Variants in CLEC2D observed in about 807,000 individuals in gnomAD.
The protein encoded by CLEC2D is C-type lectin domain family 2 member D.
A neutral mutation model predicts 20.0 loss-of-function variants in CLEC2D; 16 were observed. The ratio of observed to expected loss-of-function variants is 0.80; its 90% confidence interval spans 0.54 to 1.22. The LOEUF is 1.22. Among genes scored for constraint, CLEC2D ranks in the 50% most tolerant of loss-of-function variants. The pLI is 0.00. For synonymous variants in CLEC2D, 77 were observed against 71.1 expected, an observed-to-expected ratio of 1.08 and a Z score of -0.42; for missense variants, 207 against 221.5, an observed-to-expected ratio of 0.93 and a Z score of 0.42.
In CLEC2D at chr12:9,699,031, T is replaced by C. The variant is rs1476871639; in HGVS notation, c.*4157T>C. The C allele has an allele frequency of 6.6e-6, 1 of 152,228 alleles. No individual in the cohort carries two copies. Among genetic ancestry groups the C allele is most frequent in the African/African-American group, 2.4e-5 (1 of 41,454 alleles). 9.4% of individuals were successfully genotyped at this position (152,228 alleles called of 1,614,324 possible). A position where few individuals can be genotyped will look rare whatever the true frequency, so the allele number is the denominator to read the frequency against. ...GTCTCTTAACCCACCTGGATAGATT[T>C]TTCTCACAAACCATTGTCTTCTCTG... On this transcript the variant is annotated 3_prime_UTR_variant, in exon 5 of 5. Coordinates refer to ENST00000290855, the MANE Select transcript of CLEC2D (RefSeq NM_013269.6).
At chr12:9,676,811 G>A (rs1271509509) in intron 1 of CLEC2D, among the ~76,000 whole-genome samples, 1 of 152,120 alleles carries the variant, frequency 6.6e-6, no homozygotes. Flanking sequence ...GGTGCTTTCT[G>A]TTTTGGAAGG....
rs1243352103 is a variant in CLEC2D at position 9,688,037 on chromosome 12, G to A, written c.308G>A (p.Cys103Tyr). 7 of 1,612,800 alleles carry A rather than the reference G, an allele frequency of 4.3e-6. No homozygotes were observed. Among genetic ancestry groups the A allele is most frequent in the Non-Finnish European group, 5.1e-6 (6 of 1,179,388 alleles). ...TKNWTSSQRF[C>Y]DSQDADLAQV... ...AACTGGACATCAAGTCAGAGGTTTT[G>A]TGACTCACAAGATGCTGATCTTGCT... The change falls in exon 3 of 5, where the codon TGT becomes TAT. Residue 103 changes from cysteine (C) to tyrosine (Y), a missense_variant. Coordinates refer to ENST00000290855, the MANE Select transcript of CLEC2D (RefSeq NM_013269.6).
At chr12:9,690,685 G>A (rs1865843503) in intron 3 of CLEC2D, among the ~76,000 whole-genome samples, 1 of 151,886 alleles carries the variant, frequency 6.6e-6, no homozygotes, top group Non-Finnish European at 1.5e-5. Flanking sequence ...TTGATATTAT[G>A]AAATTATATT....
chr12:9,683,671 A>T lies in CLEC2D; in HGVS notation c.172+2638A>T, dbSNP rs1022447881. On this transcript the variant is annotated intron_variant, in intron 2 of 4. Transcript: ENST00000290855. Reference sequence around the variant, plus strand: ...CTTGTTTTTGTCAGGTTTGTCAAAGATCAGATGGTTGTAGATGTTGGGTGT... The same window carrying T: ...CTTGTTTTTGTCAGGTTTGTCAAAGTTCAGATGGTTGTAGATGTTGGGTGT... Among the ~76,000 whole-genome samples the T allele has an allele frequency of 3.8e-4, 58 of 152,258 alleles. No individual in the cohort carries two copies. The South Asian group carries it at 6.4e-3, about 17-fold the overall frequency.
rs1345234374 is a variant in CLEC2D at position 9,696,983 on chromosome 12, A to T, written c.*2109A>T. ...AACTGAAGTGACCATTAACAGATGA[A>T]TGGATAAAGAAATTGTCATATATAT... On this transcript the variant is annotated 3_prime_UTR_variant, in exon 5 of 5. Transcript: ENST00000290855. The T allele has an allele frequency of 6.6e-6, 1 of 152,092 alleles. No individual in the cohort carries two copies. The highest frequency in any genetic ancestry group is 2.4e-5 in the African/African-American group (1 of 41,416). 9.4% of individuals were successfully genotyped at this position (152,092 alleles called of 1,614,324 possible).
At chr12:9,679,203 G>T (rs768299442) in intron 1 of CLEC2D, among the ~76,000 whole-genome samples, 15 of 152,136 alleles carry the variant, frequency 9.9e-5, no homozygotes, top group African/African-American at 3.6e-4. Flanking sequence ...TGAACAAACT[G>T]CCATTTGTTA....
intron 1 of CLEC2D, among the ~76,000 whole-genome samples, chr12:9,671,377 C>A (rs11052305): frequency 3.3e-5 from 5 of 152,108 alleles, no homozygotes; most frequent in Non-Finnish European, 7.4e-5. Flanking sequence ...CCCGCCACCA[C>A]GCCCGGCTAC....
chr12:9,692,685 C>A (rs1217146990), intron 3 of CLEC2D, 143 bp from the exon 4 acceptor site: 4 of 573,002 alleles, frequency 7.0e-6, no homozygotes, highest in East Asian at 2.8e-5. Flanking sequence ...ATATAGCACA[C>A]CTATTCTGTA....
At position 9,692,902 on chromosome 12, in the gene CLEC2D, A is replaced by G. The variant is rs1418876140; in HGVS notation, c.432A>G (p.Lys144=). ...GCAGAGAACAAGGCCAACCATGGAA[A>G]TGGATAAATGGTACTGAATGGACAA... The part of the protein sequence containing the change: ...GLSREQGQPW[K]WINGTEWTRQ... The change falls in exon 4 of 5, where the codon AAA becomes AAG. Residue 144 remains lysine (K), a synonymous_variant. Transcript: ENST00000290855. 1 of 1,613,608 alleles carries G rather than the reference A, an allele frequency of 6.2e-7. No homozygotes were observed. Among genetic ancestry groups the G allele is most frequent in the African/African-American group, 1.3e-5 (1 of 74,936 alleles).
In CLEC2D at chr12:9,695,870, AT is replaced by A. The variant is rs1565473076; in HGVS notation, c.*997del. ...GCTGCTGCTGCTGATGATGATGATG[AT>A]GAAGATGATGATGATGATGATGACG... is the stretch of plus-strand genomic sequence containing the variant. On this transcript the variant is annotated 3_prime_UTR_variant, in exon 5 of 5. Transcript: ENST00000290855. 8.6e-5 allele frequency: 92 copies of A among 1,067,494 alleles called. No homozygotes were observed. The African/African-American group carries it at 1.3e-3, about 15-fold the overall frequency. The allele number at this position is 1,067,494 out of a possible 1,614,324, so 66.1% of individuals were successfully genotyped here. A position where few individuals can be genotyped will look rare whatever the true frequency, so the allele number is the denominator to read the frequency against.
intron 2 of CLEC2D, among the ~76,000 whole-genome samples, chr12:9,683,592 G>A (rs1865690461): frequency 6.6e-6 from 1 of 152,006 alleles, no homozygotes. Context: ...TCTGCATATG[G>A]CTAGCCAGTT....
chr12:9,697,371 G>A lies in CLEC2D; in HGVS notation c.*2497G>A, dbSNP rs746923313. 2 of 152,168 alleles carry A rather than the reference G, an allele frequency of 1.3e-5. No individual in the cohort carries two copies. Among genetic ancestry groups the A allele is most frequent in the Admixed American group, 6.5e-5 (1 of 15,268 alleles). 9.4% of individuals were successfully genotyped at this position (152,168 alleles called of 1,614,324 possible). ...CTAGCCCAATCTATTCCTTTAATTC[G>A]GCCCATCCCTTCATTTCCCATAAGG... On this transcript the variant is annotated 3_prime_UTR_variant, in exon 5 of 5. Transcript: ENST00000290855.
intron 3 of CLEC2D, 199 bp downstream of exon 3, chr12:9,688,285 TG>T: frequency 9.2e-7 from 1 of 1,081,448 alleles, no homozygotes; most frequent in Non-Finnish European, 1.2e-6. Context: ...TTAATATTCG[TG>T]GCAGGAACAG....
In CLEC2D at chr12:9,697,639, A is replaced by G. The variant is rs1056367178; in HGVS notation, c.*2765A>G. 2.0e-5 allele frequency: 3 copies of G among 152,164 alleles called. No homozygotes were observed. Among genetic ancestry groups the G allele is most frequent in the Non-Finnish European group, 2.9e-5 (2 of 68,024 alleles). 9.4% of individuals were successfully genotyped at this position (152,164 alleles called of 1,614,324 possible). A position where few individuals can be genotyped will look rare whatever the true frequency, so the allele number is the denominator to read the frequency against. On this transcript the variant is annotated 3_prime_UTR_variant, in exon 5 of 5. Transcript: ENST00000290855. ...TATTTGAAACAATGTAAATAAACCT[A>G]TAGGGTTTATTATATATACTAAGTG...
rs56394007 is a variant in CLEC2D at position 9,696,548 on chromosome 12, T to TA, written c.*1689dup. The TA allele has an allele frequency of 1.6e-4, 25 of 152,734 alleles. No individual in the cohort carries two copies. The highest frequency in any genetic ancestry group is 3.2e-4 in the African/African-American group (12 of 37,802). The allele number at this position is 152,734 out of a possible 1,614,324, so 9.5% of individuals were successfully genotyped here. On this transcript the variant is annotated 3_prime_UTR_variant, in exon 5 of 5. Coordinates refer to ENST00000290855, the MANE Select transcript of CLEC2D (RefSeq NM_013269.6). Reference sequence around the variant, plus strand: ...AATAAAACTCAGTATTTTAATAAAGTAAAAAAAAAAAAAAAGGTATGGGGA... The same window carrying TA: ...AATAAAACTCAGTATTTTAATAAAGTAAAAAAAAAAAAAAAAGGTATGGGGA...
Position 9,695,948 on chromosome 12 carries a change from C to G in CLEC2D, c.*1074C>G. ...AAGAAATCTATACGAGATACTCCAG[C>G]CAAAAATGCACAAAAGTCAAATCAG... On this transcript the variant is annotated 3_prime_UTR_variant, in exon 5 of 5. Coordinates refer to ENST00000290855, the MANE Select transcript of CLEC2D (RefSeq NM_013269.6). 6.5e-7 allele frequency: 1 copy of G among 1,542,820 alleles called. No homozygotes were observed. Among genetic ancestry groups the G allele is most frequent in the Non-Finnish European group, 8.8e-7 (1 of 1,130,902 alleles).
At position 9,695,147 on chromosome 12, in the gene CLEC2D, C is replaced by A; in HGVS notation, c.*273C>A. 1.7e-6 allele frequency: 1 copy of A among 579,918 alleles called. No individual in the cohort carries two copies. The highest frequency in any genetic ancestry group is 4.7e-4 in the Middle Eastern group (1 of 2,146). The allele number at this position is 579,918 out of a possible 1,614,324, so 35.9% of individuals were successfully genotyped here. ...TTAATTGACTCATAGTTCCACATGG[C>A]TGGGGAGGTCTTGCAATCATGACAG... On this transcript the variant is annotated 3_prime_UTR_variant, in exon 5 of 5. Coordinates refer to ENST00000290855, the MANE Select transcript of CLEC2D (RefSeq NM_013269.6).
intron 4 of CLEC2D, chr12:9,693,323 A>C: frequency 2.3e-6 from 1 of 434,872 alleles, no homozygotes; most frequent in Non-Finnish European, 4.1e-6. Context: ...GACAGCAATT[A>C]TACCTATTAT....
At chr12:9,671,854 A>G (rs1865431478) in intron 1 of CLEC2D, among the ~76,000 whole-genome samples, 1 of 152,044 alleles carries the variant, frequency 6.6e-6, no homozygotes, top group African/African-American at 2.4e-5. Context: ...TTCTTGTAAG[A>G]TCTGCTGCTA....
Sources: gnomAD v4.1 joint callset for allele counts (sites outside exome capture counted in the v4.1 genomes callset) on GRCh38, gnomAD v4.1.1 for gene constraint, MANE v1.5 for transcripts, NCBI Gene and HGNC (gene_info 2026-07-23, HGNC 2026-07-21) for gene names.